Variants in XPR1 observed in about 807,000 individuals in gnomAD.
XPR1 encodes the protein solute carrier family 53 member 1.
In XPR1, 28 loss-of-function variants were observed where a neutral mutation model predicts 87.5. The observed-to-expected ratio is 0.32, with a 90% CI of 0.24 to 0.44. The LOEUF is 0.44. Among genes scored for constraint, XPR1 ranks in the 20% least tolerant of loss-of-function variants. XPR1 has a pLI of 1.00. For synonymous variants in XPR1, 300 were observed against 306.1 expected, an observed-to-expected ratio of 0.98 and a Z score of 0.21; for missense variants, 559 against 862.3, an observed-to-expected ratio of 0.65 and a Z score of 4.41.
At chr1:180,720,094 G>C (rs1658131845) in intron 2 of XPR1, among the ~76,000 whole-genome samples, 1 of 152,058 alleles carries the variant, frequency 6.6e-6, no homozygotes, top group Non-Finnish European at 1.5e-5. Context: ...CTGACAGAAA[G>C]AAGAAAAGCA....
intron 11 of XPR1, among the ~76,000 whole-genome samples, chr1:180,860,801 C>T (rs1196513170): frequency 7.1e-6 from 1 of 140,890 alleles, no homozygotes; most frequent in Non-Finnish European, 1.5e-5. Context: ...CAGGATGTGA[C>T]TAAAAAAAAA....
At chr1:180,742,865 G>A (rs1041574789) in intron 2 of XPR1, among the ~76,000 whole-genome samples, 1 of 151,898 alleles carries the variant, frequency 6.6e-6, no homozygotes, top group Non-Finnish European at 1.5e-5. Flanking sequence ...TTGATGAATT[G>A]ACTCTTTTAT....
chr1:180,774,581 G>T (rs1264854656), intron 2 of XPR1, among the ~76,000 whole-genome samples: 2 of 151,510 alleles, frequency 1.3e-5, no homozygotes, highest in Non-Finnish European at 2.9e-5. Flanking sequence ...TTGTTTTTTT[G>T]TATATTTAGT....
At chr1:180,665,212 G>A (rs962520302) in intron 1 of XPR1, among the ~76,000 whole-genome samples, 1 of 152,150 alleles carries the variant, frequency 6.6e-6, no homozygotes, top group Non-Finnish European at 1.5e-5. Context: ...AATGCCAGAC[G>A]CTTATAAAAC....
chr1:180,816,189 G>A (rs549015744), intron 7 of XPR1, among the ~76,000 whole-genome samples: 3 of 152,178 alleles, frequency 2.0e-5, no homozygotes, highest in Non-Finnish European at 4.4e-5. Context: ...TGGCGGGTAG[G>A]AGAGGGGATG....
intron 7 of XPR1, among the ~76,000 whole-genome samples, chr1:180,821,965 C>G (rs1650646561): frequency 6.6e-6 from 1 of 152,110 alleles, no homozygotes; most frequent in South Asian, 2.1e-4. Flanking sequence ...TGTTTCCTGA[C>G]TGTTGTAATG....
intron 3 of XPR1, among the ~76,000 whole-genome samples, chr1:180,802,664 C>G (rs1476460641): frequency 6.6e-6 from 1 of 152,176 alleles, no homozygotes; most frequent in Non-Finnish European, 1.5e-5. Context: ...ATCTCGTACC[C>G]ATTAGCAATC....
rs558558445 is a variant in XPR1 at position 180,638,659 on chromosome 1, C to A, written c.69+6389C>A. ...GTACCTTAAAAATAACAGAAAAAAA[C>A]CAAAACACACACACCCCAAATTTGT... On this transcript the variant is annotated intron_variant, in intron 1 of 14. Transcript: ENST00000367590. Among the ~76,000 whole-genome samples, 18 of 152,148 alleles carry A rather than the reference C, an allele frequency of 1.2e-4. No homozygotes were observed. In the East Asian group the frequency reaches 2.9e-3, roughly 24 times the overall value.
At chr1:180,664,015 G>A (rs1031758706) in intron 1 of XPR1, among the ~76,000 whole-genome samples, 1 of 152,116 alleles carries the variant, frequency 6.6e-6, no homozygotes, top group African/African-American at 2.4e-5. Flanking sequence ...CCAGGCCTGG[G>A]ACTCACGCTT....
At chr1:180,796,789 AATAT>A (rs1293392427) in intron 3 of XPR1, among the ~76,000 whole-genome samples, 1 of 152,236 alleles carries the variant, frequency 6.6e-6, no homozygotes. Flanking sequence ...GTGTAAACAA[AATAT>A]ATATCCACAG....
intron 7 of XPR1, among the ~76,000 whole-genome samples, chr1:180,819,877 G>C (rs567519449): frequency 6.6e-6 from 1 of 151,952 alleles, no homozygotes; most frequent in Non-Finnish European, 1.5e-5. Context: ...AAAATTCCCT[G>C]GGTGTGGTGG....
rs192413731 is a variant in XPR1 at position 180,734,943 on chromosome 1, G to A, written c.121+52532G>A. Among the ~76,000 whole-genome samples the A allele has an allele frequency of 3.2e-4, 48 of 152,270 alleles. No homozygotes were observed. The East Asian group carries it at 5.8e-3, about 18-fold the overall frequency. The stretch of plus-strand genomic sequence containing the variant: ...TGTTACCCAGAATATGACCTCATTC[G>A]GAAATACGATCTTGGCAGATGTGCA... On this transcript the variant is annotated intron_variant, in intron 2 of 14. Transcript: ENST00000367590.
chr1:180,771,878 C>T (rs1404874720), intron 2 of XPR1, among the ~76,000 whole-genome samples: 2 of 152,086 alleles, frequency 1.3e-5, no homozygotes, highest in Non-Finnish European at 2.9e-5. Flanking sequence ...CCAAGTTTCT[C>T]CATGGTAAAG....
intron 2 of XPR1, among the ~76,000 whole-genome samples, chr1:180,703,636 T>C (rs532882927): frequency 1.7e-4 from 26 of 152,300 alleles, no homozygotes; most frequent in South Asian, 1.0e-3. Flanking sequence ...CCAGATTTTT[T>C]ACATGGCCCC....
At chr1:180,679,256 C>CT (rs1032719043) in intron 1 of XPR1, among the ~76,000 whole-genome samples, 22 of 152,056 alleles carry the variant, frequency 1.4e-4, no homozygotes, top group African/African-American at 5.1e-4. Context: ...TTACTTCTTC[C>CT]TTTTTGGTAT....
At chr1:180,762,356 T>C (rs1242446974) in intron 2 of XPR1, among the ~76,000 whole-genome samples, 1 of 152,026 alleles carries the variant, frequency 6.6e-6, no homozygotes, top group African/African-American at 2.4e-5. Flanking sequence ...AACAGAAATA[T>C]AAACTGTTGA....
chr1:180,819,723 A>G (rs12092463), intron 7 of XPR1, among the ~76,000 whole-genome samples: 6,354 of 152,250 alleles, frequency 0.042, 470 homozygotes, highest in African/African-American at 0.14. Flanking sequence ...AAACAGTTCA[A>G]AATATATGCC....
At chr1:180,774,276 A>G (rs1449603282) in intron 2 of XPR1, among the ~76,000 whole-genome samples, 1 of 152,110 alleles carries the variant, frequency 6.6e-6, no homozygotes, top group African/African-American at 2.4e-5. Context: ...ATATTGCAGG[A>G]ATTTTGCAAC....
chr1:180,877,271 T>C lies in XPR1; in HGVS notation c.1809-2805T>C, dbSNP rs540582261. 1.2e-3 allele frequency among the ~76,000 whole-genome samples: 177 copies of C among 152,312 alleles called. 1 individual carries two copies. Among genetic ancestry groups the C allele is most frequent in the African/African-American group, 3.7e-3 (154 of 41,560 alleles). Reference sequence around the variant, plus strand: ...GTTAAAAGACTTATACTGTCAGATATCAAAATTGATTATATAGTTACAGTG... The same window carrying C: ...GTTAAAAGACTTATACTGTCAGATACCAAAATTGATTATATAGTTACAGTG... On this transcript the variant is annotated intron_variant, in intron 13 of 14. Transcript: ENST00000367590.
Sources: allele counts gnomAD v4.1 joint callset (sites outside exome capture counted in the v4.1 genomes callset), GRCh38; gene constraint gnomAD v4.1.1; transcripts MANE v1.5; gene names NCBI Gene and HGNC (gene_info 2026-07-23, HGNC 2026-07-21).